The following IL1R2 variants were observed in gnomAD, a reference collection of about 807,000 sequenced individuals.
IL1R2 encodes interleukin-1 receptor type 2.
IL1R2 carries 46 observed loss-of-function variants against 39.5 expected under a neutral mutation model. The observed-to-expected ratio is 1.16, with a 90% CI of 0.92 to 1.49. The LOEUF (loss-of-function observed/expected upper bound fraction) is 1.49, where lower values mean the gene tolerates loss of function less well. Ranked by LOEUF, IL1R2 falls within the 40% of genes most tolerant of loss-of-function variation. The probability of loss-of-function intolerance (pLI) is 0.00; values close to 1 mark genes in which losing one functional copy is unlikely to be tolerated. For synonymous variants in IL1R2, 207 were observed against 189.6 expected (o/e 1.09, Z -0.75); for missense variants, 537 against 502.0 (o/e 1.07, Z -0.67).
At chr2:102,021,430 C>G (rs1677393200) in intron 5 of IL1R2, among the ~76,000 whole-genome samples, 1 of 151,048 alleles carries the variant, frequency 6.6e-6, no homozygotes, top group Non-Finnish European at 1.5e-5. Context: ...ATTATCCTGT[C>G]TCAGCCTCCT....
At chr2:102,004,709 A>G (rs1676156583) in intron 1 of IL1R2, among the ~76,000 whole-genome samples, 1 of 152,218 alleles carries the variant, frequency 6.6e-6, no homozygotes, top group Admixed American at 6.5e-5. Flanking sequence ...GGGCCTGCCA[A>G]AGATTTACTG....
At chr2:101,993,492 A>G (rs1675443186) in intron 1 of IL1R2, among the ~76,000 whole-genome samples, 1 of 152,128 alleles carries the variant, frequency 6.6e-6, no homozygotes. Context: ...GAAATCAGGA[A>G]AGTTGCCTGA....
In IL1R2 at chr2:102,019,663, A is replaced by G; in HGVS notation, c.539A>G (p.Asn180Ser). Reference protein sequence around the residue: ...YKDSLLLDKDNEKFLSVRGTT... With the variant: ...YKDSLLLDKDSEKFLSVRGTT... ...GATTCTCTTCTTTTGGATAAAGACAATGAGAAATTTCTAAGTGTGAGGGGG... is the reference window on the plus strand; with the variant it reads ...GATTCTCTTCTTTTGGATAAAGACAGTGAGAAATTTCTAAGTGTGAGGGGG... Residue 180 changes from asparagine to serine, a missense_variant, in exon 5 of 9, where the codon AAT (asparagine) becomes AGT (serine). Coordinates refer to ENST00000332549, the MANE Select transcript of IL1R2 (RefSeq NM_004633.4). 1 of 1,612,630 alleles carries G rather than the reference A, an allele frequency of 6.2e-7. No individual in the cohort carries two copies. The highest frequency in any genetic ancestry group is 8.5e-7 in the Non-Finnish European group (1 of 1,179,292).
intron 5 of IL1R2, 81 bp downstream of exon 5, chr2:102,019,893 T>C (rs999927937): frequency 7.4e-6 from 9 of 1,208,958 alleles, no homozygotes; most frequent in Non-Finnish European, 1.1e-5. Flanking sequence ...GCACGTAGAA[T>C]TCCTTGCAGG....
intron 1 of IL1R2, among the ~76,000 whole-genome samples, chr2:101,996,958 A>G (rs1256136341): frequency 1.3e-5 from 2 of 152,102 alleles, no homozygotes; most frequent in Non-Finnish European, 2.9e-5. Context: ...AGTCGGCTCA[A>G]ATCTACCTCT....
chr2:102,015,572 G>A (rs993421387), intron 3 of IL1R2, among the ~76,000 whole-genome samples: 9 of 152,184 alleles, frequency 5.9e-5, no homozygotes, highest in Non-Finnish European at 8.8e-5. Context: ...GCTTACATTA[G>A]CCTACAGCTG....
At chr2:102,002,740 G>A (rs377609450) in intron 1 of IL1R2, among the ~76,000 whole-genome samples, 8 of 3,122 alleles carry the variant, frequency 2.6e-3, no homozygotes, top group East Asian at 0.02. Context: ...CTATGTCTAT[G>A]TCTATGTCTA....
intron 8 of IL1R2, among the ~76,000 whole-genome samples, chr2:102,026,773 C>G (rs1280483517): frequency 6.6e-6 from 1 of 152,160 alleles, no homozygotes; most frequent in Non-Finnish European, 1.5e-5. Context: ...AGAGGAAAAC[C>G]CACATTATCA....
chr2:102,020,340 C>A (rs1677298996), intron 5 of IL1R2, among the ~76,000 whole-genome samples: 1 of 152,154 alleles, frequency 6.6e-6, no homozygotes, highest in Non-Finnish European at 1.5e-5. Context: ...AAAGGAGTTT[C>A]GTTTGAAAAT....
At chr2:102,017,505 A>C (rs1167874947) in intron 4 of IL1R2, among the ~76,000 whole-genome samples, 2 of 151,964 alleles carry the variant, frequency 1.3e-5, no homozygotes, top group African/African-American at 2.4e-5. Flanking sequence ...TGATGTGCTC[A>C]TTGCTCCTAG....
Position 102,026,108 on chromosome 2 carries a change from C to G in IL1R2, c.888-3C>G, listed in dbSNP as rs1341764348. The G allele has an allele frequency of 2.5e-6, 4 of 1,591,022 alleles. No individual in the cohort carries two copies. The highest frequency in any genetic ancestry group is 3.4e-6 in the Non-Finnish European group (4 of 1,166,886). Reference sequence around the variant, plus strand: ...TAATTAAGTGAATGTTTTTTTAACTCAGGGAATATTCAGAAAATAATGAGA... The same window carrying G: ...TAATTAAGTGAATGTTTTTTTAACTGAGGGAATATTCAGAAAATAATGAGA... On this transcript the variant is annotated splice_region_variant and splice_polypyrimidine_tract_variant and intron_variant, in intron 7 of 8. Coordinates refer to ENST00000332549, the MANE Select transcript of IL1R2 (RefSeq NM_004633.4).
At chr2:102,025,629 AT>A (rs1677680550) in intron 7 of IL1R2, among the ~76,000 whole-genome samples, 1 of 152,234 alleles carries the variant, frequency 6.6e-6, no homozygotes, top group Admixed American at 6.5e-5. Context: ...GGCCACAGCC[AT>A]TCCCCTGGGC....
At chr2:102,014,004 G>A (rs1158168501) in intron 3 of IL1R2, among the ~76,000 whole-genome samples, 1 of 152,156 alleles carries the variant, frequency 6.6e-6, no homozygotes, top group Non-Finnish European at 1.5e-5. Flanking sequence ...ACTACATGGG[G>A]AGTGCAAGTG....
chr2:102,017,774 A>G (rs1320266069), intron 4 of IL1R2, among the ~76,000 whole-genome samples: 11 of 152,124 alleles, frequency 7.2e-5, no homozygotes, highest in Non-Finnish European at 1.3e-4. Context: ...TACTGTCTGT[A>G]GCCGCTTTCA....
At chr2:101,997,619 A>T (rs530084567) in intron 1 of IL1R2, among the ~76,000 whole-genome samples, 1 of 152,264 alleles carries the variant, frequency 6.6e-6, no homozygotes, top group South Asian at 2.1e-4. Flanking sequence ...CTCAGCCCAG[A>T]TCTCAGTTTA....
chr2:102,018,128 G>T (rs563250195), intron 4 of IL1R2, among the ~76,000 whole-genome samples: 1 of 152,252 alleles, frequency 6.6e-6, no homozygotes, highest in East Asian at 1.9e-4. Flanking sequence ...TAGAGATAGG[G>T]TCTCACCATG....
chr2:102,019,182 T>C (rs1050121669), intron 4 of IL1R2, among the ~76,000 whole-genome samples: 3 of 152,198 alleles, frequency 2.0e-5, no homozygotes, highest in Non-Finnish European at 4.4e-5. Context: ...ACAGAGATTT[T>C]TCTGTTACTG....
At position 102,015,840 on chromosome 2, in the gene IL1R2, C is replaced by A. The variant is rs766619759; in HGVS notation, c.333-31C>A. 8.4e-6 allele frequency: 13 copies of A among 1,540,744 alleles called. No individual in the cohort carries two copies. In the African/African-American group the frequency reaches 1.1e-4, roughly 13 times the overall value. On this transcript the variant is annotated intron_variant, in intron 3 of 8. Transcript: ENST00000332549. ...TTAGCTTTACTTTTATTTTGCCTTG[C>A]CATTTATCTTTTTTTTCCCTTTTAA...
At chr2:101,992,419 G>T (rs1246166564) in intron 1 of IL1R2, among the ~76,000 whole-genome samples, 1 of 140,844 alleles carries the variant, frequency 7.1e-6, no homozygotes, top group Non-Finnish European at 1.5e-5. Flanking sequence ...ACAGAGAGAG[G>T]CAGAGAGACA....
Sources: gnomAD v4.1 joint callset for allele counts (sites outside exome capture counted in the v4.1 genomes callset) on GRCh38, gnomAD v4.1.1 for gene constraint, MANE v1.5 for transcripts, NCBI Gene and HGNC (gene_info 2026-07-23, HGNC 2026-07-21) for gene names.